Variants in KCNAB1 observed in about 807,000 individuals in gnomAD.
The protein encoded by KCNAB1 is potassium voltage-gated channel subfamily A regulatory beta subunit 1.
A neutral mutation model predicts 64.6 loss-of-function variants in KCNAB1; 35 were observed. The observed-to-expected ratio is 0.54, with a 90% CI of 0.41 to 0.72. The LOEUF is 0.72. Among genes scored for constraint, KCNAB1 ranks in the 30% least tolerant of loss-of-function variants. KCNAB1 has a pLI of 0.00. For synonymous variants in KCNAB1, 177 were observed against 183.8 expected (o/e 0.96, Z 0.30); for missense variants, 401 against 512.9 (o/e 0.78, Z 2.11).
chr3:156,149,275 A>G (rs1393401436), intron 1 of KCNAB1, among the ~76,000 whole-genome samples: 1 of 152,086 alleles, frequency 6.6e-6, no homozygotes, highest in African/African-American at 2.4e-5. Context: ...TCCAAGCCTG[A>G]CCTAAAATAA....
intron 1 of KCNAB1, among the ~76,000 whole-genome samples, chr3:156,303,013 C>A (rs927996718): frequency 1.3e-5 from 2 of 152,190 alleles, no homozygotes; most frequent in Non-Finnish European, 2.9e-5. Flanking sequence ...TTCCATAAAA[C>A]TCACGCTGTC....
chr3:156,318,402 G>A (rs1722435755), intron 1 of KCNAB1, among the ~76,000 whole-genome samples: 1 of 152,138 alleles, frequency 6.6e-6, no homozygotes. Context: ...GAACCTAAAG[G>A]AGCAGACCAC....
chr3:156,233,861 C>T (rs1560150185), intron 1 of KCNAB1, among the ~76,000 whole-genome samples: 1 of 151,942 alleles, frequency 6.6e-6, no homozygotes, highest in Non-Finnish European at 1.5e-5. Context: ...AAGAGTGGCA[C>T]TGCCTTTTCT....
At chr3:156,254,679 A>G (rs1280136171) in intron 1 of KCNAB1, among the ~76,000 whole-genome samples, 1 of 152,080 alleles carries the variant, frequency 6.6e-6, no homozygotes, top group African/African-American at 2.4e-5. Flanking sequence ...GTTCTGTTTT[A>G]TTTTCTTAAC....
At chr3:156,208,243 C>T (rs1021443463) in intron 1 of KCNAB1, among the ~76,000 whole-genome samples, 2 of 152,202 alleles carry the variant, frequency 1.3e-5, no homozygotes, top group African/African-American at 4.8e-5. Flanking sequence ...TGCCGCTGCT[C>T]CTACTTGATC....
At chr3:156,143,188 T>C (rs778687506) in intron 1 of KCNAB1, 6 of 1,607,464 alleles carry the variant, frequency 3.7e-6, no homozygotes, top group Non-Finnish European at 5.1e-6. Flanking sequence ...CATGCATCTG[T>C]ATAAACCTGC....
chr3:156,462,523 A>G (rs554226212), intron 5 of KCNAB1, among the ~76,000 whole-genome samples: 1 of 152,294 alleles, frequency 6.6e-6, no homozygotes, highest in East Asian at 1.9e-4. Context: ...ACATGTATTT[A>G]TCGACCTTCC....
chr3:156,361,506 G>T (rs1560217038), intron 1 of KCNAB1, among the ~76,000 whole-genome samples: 1 of 152,102 alleles, frequency 6.6e-6, no homozygotes, highest in Non-Finnish European at 1.5e-5. Flanking sequence ...CACACATAAA[G>T]GTATTTATTG....
At chr3:156,332,721 C>G (rs968627453) in intron 1 of KCNAB1, among the ~76,000 whole-genome samples, 6 of 152,140 alleles carry the variant, frequency 3.9e-5, no homozygotes, top group Middle Eastern at 3.4e-3. Context: ...GAAAATATGA[C>G]CATTGTGATA....
In KCNAB1 at chr3:156,168,070, G is replaced by A. The variant is rs554092751; in HGVS notation, c.275+47184G>A. Among the ~76,000 whole-genome samples, 13 of 152,198 alleles carry A rather than the reference G, an allele frequency of 8.5e-5. 1 individual carries two copies. Among genetic ancestry groups the A allele is most frequent in the Middle Eastern group, 6.8e-3 (2 of 294 alleles). Reference sequence around the variant, plus strand: ...ATACCAAAATTAGCCATCTATGGTGGTGCACACCTGTAGTCCCAGCTACTT... The same window carrying A: ...ATACCAAAATTAGCCATCTATGGTGATGCACACCTGTAGTCCCAGCTACTT... On this transcript the variant is annotated intron_variant, in intron 1 of 13. Transcript: ENST00000490337.
chr3:156,291,139 T>C (rs758971356), intron 1 of KCNAB1: 8 of 985,422 alleles, frequency 8.1e-6, no homozygotes, highest in South Asian at 4.7e-5. Flanking sequence ...CTGGTGCAAG[T>C]GATCTTTGCC....
intron 1 of KCNAB1, among the ~76,000 whole-genome samples, chr3:156,156,675 A>G (rs1200521806): frequency 6.6e-6 from 1 of 152,198 alleles, no homozygotes; most frequent in Non-Finnish European, 1.5e-5. Flanking sequence ...TAGATGAGAA[A>G]GATTTCAGGG....
At chr3:156,421,747 C>G in intron 2 of KCNAB1, 88 bp downstream of exon 2, 1 of 1,186,496 alleles carries the variant, frequency 8.4e-7, no homozygotes, top group Non-Finnish European at 1.2e-6. Flanking sequence ...TAGGCCAGGA[C>G]CTGGTCTCAG....
intron 7 of KCNAB1, among the ~76,000 whole-genome samples, chr3:156,472,086 ACT>A (rs1247349266): frequency 6.6e-6 from 1 of 151,940 alleles, no homozygotes; most frequent in Non-Finnish European, 1.5e-5. Context: ...TGCTACTTAG[ACT>A]CAACTTGGCT....
chr3:156,132,462 G>A (rs978798130), intron 1 of KCNAB1, among the ~76,000 whole-genome samples: 2 of 152,140 alleles, frequency 1.3e-5, no homozygotes, highest in African/African-American at 4.8e-5. Flanking sequence ...ACTCACTTAC[G>A]GCTGGATGAG....
intron 4 of KCNAB1, 116 bp from the exon 5 acceptor site, chr3:156,459,711 A>G (rs1335248479): frequency 4.3e-6 from 3 of 694,688 alleles, no homozygotes; most frequent in Non-Finnish European, 7.3e-6. Flanking sequence ...AGCGGCTTCT[A>G]TTTTCGGGAT....
intron 1 of KCNAB1, among the ~76,000 whole-genome samples, chr3:156,366,031 A>G (rs754858624): frequency 2.6e-5 from 4 of 152,118 alleles, no homozygotes; most frequent in East Asian, 1.9e-4. Context: ...GCCCTTACAC[A>G]TAAAAATTAA....
At position 156,420,287 on chromosome 3, in the gene KCNAB1, C is replaced by T. The variant is rs570258867; in HGVS notation, c.276-1329C>T. Among the ~76,000 whole-genome samples, 12 of 152,310 alleles carry T rather than the reference C, an allele frequency of 7.9e-5. 1 individual carries two copies. Among genetic ancestry groups the T allele is most frequent in the African/African-American group, 2.9e-4 (12 of 41,562 alleles). On this transcript the variant is annotated intron_variant, in intron 1 of 13. Coordinates refer to ENST00000490337, the MANE Select transcript of KCNAB1 (RefSeq NM_172160.3). ...TCTTCCAAATGAAGAAACTCAACCC[C>T]GGAAAGAAAAGGGAGCAATTTCTAC...
chr3:156,279,688 G>C (rs903748529), intron 1 of KCNAB1, among the ~76,000 whole-genome samples: 6 of 152,114 alleles, frequency 3.9e-5, no homozygotes, highest in Non-Finnish European at 8.8e-5. Context: ...ATCTCATTGT[G>C]GTTTTGATTT....
Sources: allele counts gnomAD v4.1 joint callset (sites outside exome capture counted in the v4.1 genomes callset), GRCh38; gene constraint gnomAD v4.1.1; transcripts MANE v1.5; gene names NCBI Gene and HGNC (gene_info 2026-07-23, HGNC 2026-07-21).